MAD1L1: variants seen among roughly 807,000 people sequenced by gnomAD.
MAD1L1 encodes the protein mitotic spindle assembly checkpoint protein MAD1.
Under a neutral mutation model 96.9 loss-of-function variants are expected in MAD1L1, and 95 were observed. The observed-to-expected ratio is 0.98, with a 90% CI of 0.83 to 1.16. MAD1L1 has a LOEUF of 1.16. Among genes scored for constraint, MAD1L1 ranks in the 50% most tolerant of loss-of-function variants. The probability of loss-of-function intolerance (pLI) is 0.00; values close to 1 mark genes in which losing one functional copy is unlikely to be tolerated. For synonymous variants in MAD1L1, 473 were observed against 396.6 expected (o/e 1.19, Z -2.29); for missense variants, 1,007 against 954.4 (o/e 1.06, Z -0.73).
At chr7:2,057,646 C>A (rs879820213) in intron 12 of MAD1L1, among the ~76,000 whole-genome samples, 2 of 151,954 alleles carry the variant, frequency 1.3e-5, no homozygotes, top group African/African-American at 4.8e-5. Context: ...GCTTTGTATG[C>A]GTTAAATCCT....
At chr7:1,864,793 C>G (rs1344874847) in intron 18 of MAD1L1, among the ~76,000 whole-genome samples, 1 of 152,140 alleles carries the variant, frequency 6.6e-6, no homozygotes, top group African/African-American at 2.4e-5. Flanking sequence ...TGGTGCCCCC[C>G]GCCCCCACTC....
At chr7:2,218,422 A>G (rs1584578441) in intron 6 of MAD1L1, among the ~76,000 whole-genome samples, 1 of 152,288 alleles carries the variant, frequency 6.6e-6, no homozygotes, top group East Asian at 1.9e-4. Flanking sequence ...TCTCCTCTCT[A>G]CTACGGAACT....
chr7:1,932,427 C>A (rs143330763), intron 17 of MAD1L1, among the ~76,000 whole-genome samples: 3 of 152,220 alleles, frequency 2.0e-5, no homozygotes, highest in Non-Finnish European at 2.9e-5. Context: ...AGAGACGGTG[C>A]GGGGCCGTCA....
At chr7:2,098,904 G>T (rs1313114988) in intron 11 of MAD1L1, among the ~76,000 whole-genome samples, 2 of 152,208 alleles carry the variant, frequency 1.3e-5, no homozygotes, top group Non-Finnish European at 1.5e-5. Flanking sequence ...GACGCTACTC[G>T]AACTGGACCT....
intron 11 of MAD1L1, among the ~76,000 whole-genome samples, chr7:2,116,079 T>C (rs920611329): frequency 6.6e-6 from 1 of 152,172 alleles, no homozygotes; most frequent in African/African-American, 2.4e-5. Context: ...CAACACTAAA[T>C]AAGGGCCAAG....
chr7:1,909,487 G>A (rs1418355000), intron 17 of MAD1L1, among the ~76,000 whole-genome samples: 1 of 152,214 alleles, frequency 6.6e-6, no homozygotes, highest in African/African-American at 2.4e-5. Flanking sequence ...TTATGGCTGT[G>A]CGATTTGTAT....
intron 18 of MAD1L1, among the ~76,000 whole-genome samples, chr7:1,856,042 C>A (rs967319117): frequency 2.0e-5 from 3 of 152,206 alleles, no homozygotes; most frequent in Non-Finnish European, 4.4e-5. Context: ...AGGGAGCTCT[C>A]GGCTTCTTCA....
intron 6 of MAD1L1, among the ~76,000 whole-genome samples, chr7:2,218,978 T>G (rs1265196184): frequency 6.6e-6 from 1 of 152,054 alleles, no homozygotes; most frequent in Non-Finnish European, 1.5e-5. Context: ...GAGGATCACT[T>G]GAGCCCAGGA....
chr7:2,112,143 A>G (rs1346547192), intron 11 of MAD1L1, among the ~76,000 whole-genome samples: 2 of 151,308 alleles, frequency 1.3e-5, no homozygotes, highest in Admixed American at 6.6e-5. Flanking sequence ...AAGATGCCAT[A>G]TTTGTATGAC....
intron 18 of MAD1L1, among the ~76,000 whole-genome samples, chr7:1,868,703 C>T (rs1784898265): frequency 6.6e-6 from 1 of 152,224 alleles, no homozygotes; most frequent in African/African-American, 2.4e-5. Context: ...CAGCCTTAAC[C>T]AGAGGCGAGA....
At chr7:2,009,467 CCT>C (rs1401211773) in intron 13 of MAD1L1, among the ~76,000 whole-genome samples, 1 of 151,246 alleles carries the variant, frequency 6.6e-6, no homozygotes, top group African/African-American at 2.4e-5. Flanking sequence ...CCTCCACCTT[CCT>C]GGCCAGGTCT....
At chr7:2,040,858 T>G (rs1001043344) in intron 12 of MAD1L1, among the ~76,000 whole-genome samples, 1 of 152,244 alleles carries the variant, frequency 6.6e-6, no homozygotes, top group Non-Finnish European at 1.5e-5. Context: ...TCCATCTTCC[T>G]GCAAACAGAG....
chr7:1,825,165 C>T (rs938771588), intron 18 of MAD1L1, among the ~76,000 whole-genome samples: 7 of 152,208 alleles, frequency 4.6e-5, no homozygotes, highest in African/African-American at 1.4e-4. Context: ...CAAGACAGGC[C>T]GCTGAGCACA....
intron 15 of MAD1L1, among the ~76,000 whole-genome samples, chr7:1,962,221 C>T (rs1562565025): frequency 6.6e-6 from 1 of 152,352 alleles, no homozygotes; most frequent in East Asian, 1.9e-4. Flanking sequence ...CTCACAAGAT[C>T]TGATTTTATA....
chr7:1,997,731 G>C (rs951318383), intron 14 of MAD1L1, among the ~76,000 whole-genome samples: 1 of 152,220 alleles, frequency 6.6e-6, no homozygotes, highest in Non-Finnish European at 1.5e-5. Flanking sequence ...GGGGAGGGAG[G>C]CCACTGGCCT....
At chr7:1,997,805 C>G (rs1584031047) in intron 14 of MAD1L1, among the ~76,000 whole-genome samples, 2 of 152,232 alleles carry the variant, frequency 1.3e-5, no homozygotes, top group South Asian at 4.1e-4. Context: ...CCTGGCACTG[C>G]TCTCCCCAGG....
At chr7:1,921,175 G>C (rs953053754) in intron 17 of MAD1L1, among the ~76,000 whole-genome samples, 1 of 152,208 alleles carries the variant, frequency 6.6e-6, no homozygotes, top group Non-Finnish European at 1.5e-5. Context: ...ATCGGTGAGG[G>C]AGGCGGCCCT....
intron 12 of MAD1L1, among the ~76,000 whole-genome samples, chr7:2,063,821 A>C (rs1267521901): frequency 6.6e-6 from 1 of 152,172 alleles, no homozygotes; most frequent in Non-Finnish European, 1.5e-5. Flanking sequence ...TCTGACCCTG[A>C]GCACCTGTGG....
intron 18 of MAD1L1, among the ~76,000 whole-genome samples, chr7:1,860,023 ATCCTGCGGGGCAGCCTCTGTGT>A (rs1396176086): frequency 2.9e-5 from 4 of 138,510 alleles, no homozygotes; most frequent in East Asian, 2.3e-4. Flanking sequence ...TAGACCTGAC[ATCCTGCGGGGCAGCCTCTGTGT>A]CCCTAGACCT....
Sources: gnomAD v4.1 joint callset for allele counts (sites outside exome capture counted in the v4.1 genomes callset) on GRCh38, gnomAD v4.1.1 for gene constraint, MANE v1.5 for transcripts, NCBI Gene and HGNC (gene_info 2026-07-23, HGNC 2026-07-21) for gene names.